RTF1: variants seen among roughly 807,000 people sequenced by gnomAD.
RTF1 encodes the protein RNA polymerase-associated protein RTF1 homolog.
A neutral mutation model predicts 95.7 loss-of-function variants in RTF1; 10 were observed. That is an observed-to-expected ratio of 0.10 (90% CI 0.06 to 0.18). The LOEUF (loss-of-function observed/expected upper bound fraction) is 0.18, where lower values mean the gene tolerates loss of function less well. RTF1 is among the 10% of genes least tolerant of loss of function. The pLI, the probability that RTF1 is intolerant of heterozygous loss-of-function variation, is 1.00. For missense variants in RTF1, 458 were observed against 875.6 expected (o/e 0.52, Z 6.02); for synonymous variants, 305 against 311.8 (o/e 0.98, Z 0.23).
rs1176981008 is a variant in RTF1, at chr15:41,480,246, G to A, written c.1947G>A (p.Lys649=). 6.2e-7 allele frequency: 1 copy of A among 1,613,600 alleles called. No individual in the cohort carries two copies. ...GCAAAGATAAAGATTTGAATTCTAA[G>A]TCAGCCAGTGACCTCTCAGAAGATC... ...GQGKDKDLNS[K]SASDLSEDLF... Residue 649 remains lysine (K), a synonymous_variant, in exon 17 of 18, where the codon AAG becomes AAA. Transcript: ENST00000389629.
chr15:41,451,213 G>A (rs1421138591), intron 2 of RTF1, among the ~76,000 whole-genome samples: 3 of 152,048 alleles, frequency 2.0e-5, no homozygotes, highest in African/African-American at 7.2e-5. Flanking sequence ...TTGGATATTA[G>A]ATGTAGAAAT....
chr15:41,478,002 A>C (rs549074078), intron 14 of RTF1, among the ~76,000 whole-genome samples: 60 of 152,174 alleles, frequency 3.9e-4, no homozygotes, highest in Non-Finnish European at 7.3e-4. Context: ...GCTACTTGGG[A>C]GGCTGAGGCA....
At chr15:41,460,826 T>C (rs1340279782) in intron 4 of RTF1, among the ~76,000 whole-genome samples, 1 of 151,866 alleles carries the variant, frequency 6.6e-6, no homozygotes, top group Non-Finnish European at 1.5e-5. Context: ...CCCAAGTAGC[T>C]GGGACTACAG....
At position 41,480,963 on chromosome 15, in the gene RTF1, GTTT is replaced by G. The variant is rs113541148; in HGVS notation, c.*281_*283del. 2.4e-6 allele frequency: 1 copy of G among 423,400 alleles called. No homozygotes were observed. Among genetic ancestry groups the G allele is most frequent in the African/African-American group, 2.0e-5 (1 of 50,416 alleles). The allele number at this position is 423,400 out of a possible 1,614,324, so 26.2% of individuals were successfully genotyped here. ...GTCTTTAGATTTGTGTTTGCCTTTT[GTTT>G]TTTTAACCGCGCAGTTCATTGGCCA... is the stretch of plus-strand genomic sequence containing the variant. On this transcript the variant is annotated 3_prime_UTR_variant, in exon 18 of 18. Transcript: ENST00000389629.
chr15:41,480,564 G>A lies in RTF1; in HGVS notation c.2027-17G>A. ...TTTGTGGGACCTCAGCTGCCAACTT[G>A]CTCTTCTTTCCCACAGAGTCAAAGG... On this transcript the variant is annotated splice_polypyrimidine_tract_variant and intron_variant, in intron 17 of 17. Coordinates refer to ENST00000389629, the MANE Select transcript of RTF1 (RefSeq NM_015138.5). 1 of 1,590,212 alleles carries A rather than the reference G, an allele frequency of 6.3e-7. No homozygotes were observed. Among genetic ancestry groups the A allele is most frequent in the Non-Finnish European group, 8.6e-7 (1 of 1,158,382 alleles).
rs1366182210 is a variant in RTF1 at position 41,477,159 on chromosome 15, G to A, written c.1561-6G>A. 2 of 1,614,210 alleles carry A rather than the reference G, an allele frequency of 1.2e-6. No individual in the cohort carries two copies. Among genetic ancestry groups the A allele is most frequent in the South Asian group, 2.2e-5 (2 of 91,084 alleles). On this transcript the variant is annotated splice_polypyrimidine_tract_variant and splice_region_variant and intron_variant, in intron 12 of 17. Coordinates refer to ENST00000389629, the MANE Select transcript of RTF1 (RefSeq NM_015138.5). ...AGAACGAACTCACACATCTCTCTATGTGTAGGCCATGGCTGAGGACCTGGG... is the reference window on the plus strand; with the variant it reads ...AGAACGAACTCACACATCTCTCTATATGTAGGCCATGGCTGAGGACCTGGG...
chr15:41,446,237 A>C (rs750567670), intron 2 of RTF1, among the ~76,000 whole-genome samples: 17 of 152,050 alleles, frequency 1.1e-4, no homozygotes, highest in Non-Finnish European at 2.2e-4. Flanking sequence ...GATCATCTGA[A>C]CTTTTTTTCC....
rs921889440 is a variant in RTF1, at chr15:41,482,424, G to A, written c.*1737G>A. 2 of 152,548 alleles carry A rather than the reference G, an allele frequency of 1.3e-5. No homozygotes were observed. The highest frequency in any genetic ancestry group is 2.9e-5 in the Non-Finnish European group (2 of 68,038). The allele number at this position is 152,548 out of a possible 1,614,324, so 9.4% of individuals were successfully genotyped here. On this transcript the variant is annotated 3_prime_UTR_variant, in exon 18 of 18. Transcript: ENST00000389629. ...CTTCCTCACCCTGCTTTCGTACAAG[G>A]AAGGGGGACGATGGGAAATCATGGA...
intron 1 of RTF1, among the ~76,000 whole-genome samples, chr15:41,430,212 T>A (rs2050662274): frequency 6.9e-6 from 1 of 145,280 alleles, no homozygotes; most frequent in Non-Finnish European, 1.5e-5. Context: ...AGAGTCTCGC[T>A]GCCCCCTAGG....
chr15:41,440,043 C>T (rs1566839643), intron 2 of RTF1, among the ~76,000 whole-genome samples: 1 of 148,616 alleles, frequency 6.7e-6, no homozygotes, highest in South Asian at 2.1e-4. Context: ...ACCCTACAGC[C>T]TAGGAAAATA....
In RTF1 at chr15:41,452,889, T is replaced by C. The variant is rs2140958419; in HGVS notation, c.310-12T>C. On this transcript the variant is annotated splice_polypyrimidine_tract_variant and intron_variant, in intron 2 of 17. Coordinates refer to ENST00000389629, the MANE Select transcript of RTF1 (RefSeq NM_015138.5). ...TCCTATTTCAGTCTTCCTTTTTCTTTTCTCCTTATAGTGGACATTTGGGAG... is the reference window on the plus strand; with the variant it reads ...TCCTATTTCAGTCTTCCTTTTTCTTCTCTCCTTATAGTGGACATTTGGGAG... The C allele has an allele frequency of 3.9e-6, 6 of 1,556,980 alleles. 1 individual carries two copies. The South Asian group carries it at 6.1e-5, about 16-fold the overall frequency.
At chr15:41,431,143 A>C (rs957234172) in intron 1 of RTF1, among the ~76,000 whole-genome samples, 2 of 150,214 alleles carry the variant, frequency 1.3e-5, no homozygotes, top group Non-Finnish European at 3.0e-5. Context: ...TGACCTCGTG[A>C]TCTGCCCACC....
intron 2 of RTF1, among the ~76,000 whole-genome samples, chr15:41,442,144 G>A (rs1219671009): frequency 6.6e-6 from 1 of 151,770 alleles, no homozygotes; most frequent in Non-Finnish European, 1.5e-5. Flanking sequence ...TTGAGACAGT[G>A]GCTCTTTTTT....
chr15:41,452,391 C>T (rs1056922930), intron 2 of RTF1, among the ~76,000 whole-genome samples: 4 of 152,026 alleles, frequency 2.6e-5, no homozygotes, highest in Non-Finnish European at 4.4e-5. Context: ...AGCCCGAGAT[C>T]GCACCACTGC....
chr15:41,424,889 G>A (rs578195903), intron 1 of RTF1, among the ~76,000 whole-genome samples: 13 of 152,148 alleles, frequency 8.5e-5, no homozygotes, highest in African/African-American at 3.1e-4. Flanking sequence ...CACACCTGTA[G>A]TCCCAGCCAC....
At chr15:41,471,744 A>C (rs2050912787) in intron 8 of RTF1, among the ~76,000 whole-genome samples, 1 of 152,168 alleles carries the variant, frequency 6.6e-6, no homozygotes, top group Non-Finnish European at 1.5e-5. Context: ...TTGAGGTTAA[A>C]AAAAACCCTC....
rs1368378848 is a variant in RTF1 at position 41,482,081 on chromosome 15, A to G, written c.*1394A>G. On this transcript the variant is annotated 3_prime_UTR_variant, in exon 18 of 18. Coordinates refer to ENST00000389629, the MANE Select transcript of RTF1 (RefSeq NM_015138.5). ...GGTGACAGAGTGAGACTCCGCCTCA[A>G]AAAGATTTAGGTTGCAAATGTTTCA... 6.6e-6 allele frequency: 1 copy of G among 152,306 alleles called. No homozygotes were observed. The highest frequency in any genetic ancestry group is 1.5e-5 in the Non-Finnish European group (1 of 68,100). 9.4% of individuals were successfully genotyped at this position (152,306 alleles called of 1,614,324 possible).
chr15:41,452,114 G>T (rs1228170205), intron 2 of RTF1, among the ~76,000 whole-genome samples: 1 of 152,150 alleles, frequency 6.6e-6, no homozygotes, highest in Non-Finnish European at 1.5e-5. Context: ...CAGACCAGAA[G>T]TTCTAAAGTT....
intron 6 of RTF1, among the ~76,000 whole-genome samples, chr15:41,467,777 C>T (rs1490482641): frequency 6.6e-6 from 1 of 151,654 alleles, no homozygotes; most frequent in East Asian, 1.9e-4. Context: ...GTAATCCCAG[C>T]ACTTCGGGAG....
Sources: allele counts gnomAD v4.1 joint callset (sites outside exome capture counted in the v4.1 genomes callset), GRCh38; gene constraint gnomAD v4.1.1; transcripts MANE v1.5; gene names NCBI Gene and HGNC (gene_info 2026-07-23, HGNC 2026-07-21).